The following PCDH7 variants were observed in gnomAD, a reference collection of about 807,000 sequenced individuals.
PCDH7 encodes protocadherin-7.
In PCDH7, 17 loss-of-function variants were observed where a neutral mutation model predicts 58.9. The ratio of observed to expected loss-of-function variants is 0.29; its 90% confidence interval spans 0.20 to 0.43. The LOEUF is 0.43. Among genes scored for constraint, PCDH7 ranks in the 20% least tolerant of loss-of-function variants. The pLI is 1.00. For synonymous variants in PCDH7, 664 were observed against 616.4 expected, an observed-to-expected ratio of 1.08 and a Z score of -1.14; for missense variants, 1,274 against 1,441.0, an observed-to-expected ratio of 0.88 and a Z score of 1.88.
intron 3 of PCDH7, among the ~76,000 whole-genome samples, chr4:31,082,970 T>C (rs1267699037): frequency 2.6e-5 from 4 of 152,002 alleles, no homozygotes; most frequent in Non-Finnish European, 5.9e-5. Context: ...TAGCTGGGTG[T>C]GGTGGTGGGC....
At chr4:31,126,108 G>C (rs927416049) in intron 3 of PCDH7, among the ~76,000 whole-genome samples, 1 of 150,532 alleles carries the variant, frequency 6.6e-6, no homozygotes, top group Non-Finnish European at 1.5e-5. Context: ...TCTTAGAACA[G>C]TGCTTGACAT....
At chr4:30,912,544 T>C (rs1741922181) in intron 1 of PCDH7, among the ~76,000 whole-genome samples, 1 of 152,176 alleles carries the variant, frequency 6.6e-6, no homozygotes, top group African/African-American at 2.4e-5. Flanking sequence ...CATTCAGAAA[T>C]AATTGATGTG....
At chr4:31,103,861 A>C (rs1715214405) in intron 3 of PCDH7, among the ~76,000 whole-genome samples, 1 of 152,188 alleles carries the variant, frequency 6.6e-6, no homozygotes, top group African/African-American at 2.4e-5. Flanking sequence ...ACTGAACACC[A>C]CCAACTGCTT....
In PCDH7 at chr4:30,722,618, C is replaced by A; in HGVS notation, c.1196C>A (p.Ala399Asp). Residue 399 changes from alanine to aspartate, a missense_variant, in exon 1 of 2, where the codon GCC (alanine) becomes GAC (aspartate). Physicochemically the swap from Ala to Asp is moderately radical, Grantham distance 126 (BLOSUM62 -2). Transcript: ENST00000361762. The surrounding 1 kb of genome is among the most constrained non-coding windows in gnomAD (Gnocchi z 7.6). ...GGGCAGCCCCCCAAGACCGACAAGGCCACCGTGGTCCTTAACATCAAAGAC... is the reference window on the plus strand; with the variant it reads ...GGGCAGCCCCCCAAGACCGACAAGGACACCGTGGTCCTTAACATCAAAGAC... The A allele has an allele frequency of 1.2e-6, 2 of 1,613,346 alleles. No individual in the cohort carries two copies. Among genetic ancestry groups the A allele is most frequent in the Non-Finnish European group, 1.7e-6 (2 of 1,180,044 alleles).
intron 1 of PCDH7, among the ~76,000 whole-genome samples, chr4:30,862,602 T>C (rs1053186320): frequency 1.3e-5 from 2 of 152,196 alleles, no homozygotes; most frequent in African/African-American, 4.8e-5. Context: ...TAATATCTTA[T>C]GCCAATTGCA....
intron 3 of PCDH7, among the ~76,000 whole-genome samples, chr4:30,961,743 A>C (rs1160231167): frequency 5.3e-5 from 8 of 152,190 alleles, no homozygotes; most frequent in Non-Finnish European, 1.2e-4. Context: ...CTTCATTTGC[A>C]TAAAACTTTT....
At chr4:30,759,954 C>G (rs1719809169) in intron 1 of PCDH7, among the ~76,000 whole-genome samples, 1 of 151,964 alleles carries the variant, frequency 6.6e-6, no homozygotes, top group Non-Finnish European at 1.5e-5. Flanking sequence ...ATAATGAAAC[C>G]CAGGACAATC....
intron 1 of PCDH7, among the ~76,000 whole-genome samples, chr4:30,904,129 C>T (rs1740590550): frequency 6.6e-6 from 1 of 152,116 alleles, no homozygotes; most frequent in Non-Finnish European, 1.5e-5. Context: ...ATCTACTCCC[C>T]ACCATAACCA....
chr4:30,861,277 C>G (rs188150910), intron 1 of PCDH7, among the ~76,000 whole-genome samples: 4 of 152,300 alleles, frequency 2.6e-5, no homozygotes, highest in Admixed American at 2.6e-4. Context: ...GATTCACCCC[C>G]ACTCTCTTGC....
chr4:30,834,166 T>A (rs188883267), intron 1 of PCDH7, among the ~76,000 whole-genome samples: 4 of 152,322 alleles, frequency 2.6e-5, no homozygotes, highest in East Asian at 3.9e-4. Flanking sequence ...CATTTACTTA[T>A]CACCAGGGCC....
At chr4:30,816,521 T>C (rs1341810559) in intron 1 of PCDH7, among the ~76,000 whole-genome samples, 2 of 151,892 alleles carry the variant, frequency 1.3e-5, no homozygotes, top group South Asian at 4.1e-4. Flanking sequence ...GTAATTCTTA[T>C]AAAATAAGGT....
chr4:30,721,971 C>T lies in PCDH7; in HGVS notation c.549C>T (p.Leu183=), dbSNP rs1256337151. ...ACGGCATCGAGCGCTACGAGCTGCT[C>T]CAGGAGCCCGGAGGCGGCGGCAGCG... The change falls in exon 1 of 2, where the codon CTC becomes CTT. Residue 183 remains leucine, a synonymous_variant. Transcript: ENST00000361762. The surrounding 1 kb of genome is among the most constrained non-coding windows in gnomAD (Gnocchi z 6.7). The T allele has an allele frequency of 6.4e-6, 9 of 1,404,086 alleles. No individual in the cohort carries two copies. The highest frequency in any genetic ancestry group is 6.5e-6 in the Non-Finnish European group (7 of 1,079,882). The allele number at this position is 1,404,086 out of a possible 1,614,324, so 87.0% of individuals were successfully genotyped here.
chr4:31,033,410 T>C (rs1197637183), intron 3 of PCDH7, among the ~76,000 whole-genome samples: 2 of 152,338 alleles, frequency 1.3e-5, no homozygotes, highest in Admixed American at 6.5e-5. Flanking sequence ...TTTCAATGCA[T>C]TGTATTAATA....
In PCDH7 at chr4:30,767,902, T is replaced by C. The variant is rs555946644; in HGVS notation, c.70+43306T>C. Among the ~76,000 whole-genome samples the C allele has an allele frequency of 3.9e-5, 6 of 152,278 alleles. No homozygotes were observed. In the South Asian group the frequency reaches 6.2e-4, roughly 16 times the overall value. ...TCAAGCCCTGTTCCATTAAAACCAT[T>C]AAAGGAGCTGGCAAGATTGCAGTTT... On this transcript the variant is annotated intron_variant, in intron 1 of 3. Coordinates refer to the PCDH7 transcript ENST00000509759.
intron 2 of PCDH7, among the ~76,000 whole-genome samples, chr4:30,942,500 G>A (rs1210698203): frequency 6.6e-6 from 1 of 151,938 alleles, no homozygotes; most frequent in Admixed American, 6.6e-5. Flanking sequence ...TTGTAGTTGA[G>A]AAATTGTTTT....
chr4:30,787,053 A>G (rs1723489955), intron 1 of PCDH7, among the ~76,000 whole-genome samples: 1 of 152,088 alleles, frequency 6.6e-6, no homozygotes, highest in African/African-American at 2.4e-5. Context: ...AGGTTTTGCA[A>G]TCTTATCAAT....
In PCDH7 at chr4:31,128,146, T is replaced by TAC. The variant is rs144203433; in HGVS notation, c.*8-14310_*8-14309dup. 9.8e-4 allele frequency among the ~76,000 whole-genome samples: 146 copies of TAC among 149,238 alleles called. 1 individual carries two copies. Among genetic ancestry groups the TAC allele is most frequent in the South Asian group, 3.0e-3 (14 of 4,734 alleles). On this transcript the variant is annotated intron_variant, in intron 3 of 3. Coordinates refer to the PCDH7 transcript ENST00000509759. The stretch of plus-strand genomic sequence containing the variant: ...ATATATGTATGCACATATACATATA[T>TAC]ACACACACACACACACACGGACACA...
intron 3 of PCDH7, among the ~76,000 whole-genome samples, chr4:31,058,804 T>C (rs1277326605): frequency 6.6e-6 from 1 of 151,912 alleles, no homozygotes; most frequent in Non-Finnish European, 1.5e-5. Context: ...TTTGAGTGGG[T>C]GATTCCAGAG....
At chr4:31,085,217 T>C (rs2109275884) in intron 3 of PCDH7, among the ~76,000 whole-genome samples, 1 of 152,158 alleles carries the variant, frequency 6.6e-6, no homozygotes, top group East Asian at 1.9e-4. Flanking sequence ...TTGTGCTCAG[T>C]TTCTGGGTGG....
Sources: gnomAD v4.1 joint callset for allele counts (sites outside exome capture counted in the v4.1 genomes callset) on GRCh38, gnomAD v4.1.1 for gene constraint, Gnocchi (gnomAD v3.1) non-coding constraint, MANE v1.5 for transcripts, NCBI Gene and HGNC (gene_info 2026-07-23, HGNC 2026-07-21) for gene names.